ZNF804A: variants seen among roughly 807,000 people sequenced by gnomAD.
ZNF804A encodes zinc finger protein 804A.
Under a neutral mutation model 16.5 loss-of-function variants are expected in ZNF804A, and 2 were observed. The ratio of observed to expected loss-of-function variants is 0.12; its 90% CI spans 0.05 to 0.38. The LOEUF (loss-of-function observed/expected upper bound fraction) is 0.38. Ranked by LOEUF, ZNF804A falls within the 10% of genes least tolerant of loss-of-function variation. The pLI, the probability that ZNF804A is intolerant of heterozygous loss-of-function variation, is 0.99. For synonymous variants in ZNF804A, 534 were observed against 489.6 expected (o/e 1.09, Z -1.20); for missense variants, 1,473 against 1,390.7 (o/e 1.06, Z -0.94).
At chr2:184,884,120 ACT>A (rs1684852178) in intron 2 of ZNF804A, among the ~76,000 whole-genome samples, 2 of 152,124 alleles carry the variant, frequency 1.3e-5, no homozygotes, top group South Asian at 4.1e-4. Flanking sequence ...CAGGATAAAA[ACT>A]CAACATACAA....
At chr2:184,838,499 A>G (rs1052078162) in intron 1 of ZNF804A, among the ~76,000 whole-genome samples, 2 of 152,152 alleles carry the variant, frequency 1.3e-5, no homozygotes, top group Admixed American at 6.6e-5. Flanking sequence ...TATTCTATAG[A>G]GATTTCTAGG....
chr2:184,856,732 T>G (rs1695694024), intron 1 of ZNF804A, among the ~76,000 whole-genome samples: 1 of 152,106 alleles, frequency 6.6e-6, no homozygotes, highest in South Asian at 2.1e-4. Context: ...AAATATTATA[T>G]AAAATCACCT....
At position 184,625,587 on chromosome 2, in the gene ZNF804A, G is replaced by T. The variant is rs144706859; in HGVS notation, c.111+26517G>T. Among the ~76,000 whole-genome samples, 406 of 152,138 alleles carry T rather than the reference G, an allele frequency of 2.7e-3. 1 individual carries two copies. Among genetic ancestry groups the T allele is most frequent in the African/African-American group, 9.0e-3 (373 of 41,544 alleles). ...TGGAGAAATAAATAAGTAGATAAAA[G>T]GCACGATTTAAGATGAATATATTTT... On this transcript the variant is annotated intron_variant, in intron 1 of 3. Coordinates refer to ENST00000302277, the MANE Select transcript of ZNF804A (RefSeq NM_194250.2).
intron 1 of ZNF804A, among the ~76,000 whole-genome samples, chr2:184,712,682 G>A (rs1214298952): frequency 1.3e-5 from 2 of 151,548 alleles, no homozygotes; most frequent in African/African-American, 2.4e-5. Flanking sequence ...GATGGTGCCC[G>A]TAATTCTCTT....
At chr2:184,610,969 T>G (rs1047999729) in intron 1 of ZNF804A, among the ~76,000 whole-genome samples, 9 of 152,358 alleles carry the variant, frequency 5.9e-5, no homozygotes, top group Admixed American at 5.2e-4. Context: ...TCTCAGTGTC[T>G]TAGCCTGTTT....
At chr2:184,763,081 A>G (rs547525153) in intron 1 of ZNF804A, among the ~76,000 whole-genome samples, 5 of 152,268 alleles carry the variant, frequency 3.3e-5, no homozygotes, top group African/African-American at 4.8e-5. Context: ...TTCTACCTAA[A>G]TATTTCTCAA....
In ZNF804A at chr2:184,707,942, C is replaced by A. The variant is rs1693058751; in HGVS notation, c.111+108872C>A. On this transcript the variant is annotated intron_variant, in intron 1 of 3. Coordinates refer to ENST00000302277, the MANE Select transcript of ZNF804A (RefSeq NM_194250.2). Reference sequence around the variant, plus strand: ...CATTTCCTTTTCTCCATGGCCTCATCAGCATGTGTTATTTTTGACTTTTTA... The same window carrying A: ...CATTTCCTTTTCTCCATGGCCTCATAAGCATGTGTTATTTTTGACTTTTTA... 2.0e-5 allele frequency among the ~76,000 whole-genome samples: 3 copies of A among 152,172 alleles called. No homozygotes were observed. The South Asian group carries it at 6.2e-4, about 32-fold the overall frequency.
At chr2:184,822,753 ATACT>A (rs749583590) in intron 1 of ZNF804A, among the ~76,000 whole-genome samples, 5 of 152,178 alleles carry the variant, frequency 3.3e-5, no homozygotes, top group African/African-American at 4.8e-5. Flanking sequence ...ACAAGACTAA[ATACT>A]TAGTAAGTCA....
At chr2:184,634,881 C>T (rs1019612508) in intron 1 of ZNF804A, among the ~76,000 whole-genome samples, 4 of 151,994 alleles carry the variant, frequency 2.6e-5, no homozygotes, top group Non-Finnish European at 5.9e-5. Context: ...ATTTGTCAGG[C>T]TTAAATTATT....
chr2:184,719,150 G>C (rs539480841), intron 1 of ZNF804A, among the ~76,000 whole-genome samples: 1 of 152,306 alleles, frequency 6.6e-6, no homozygotes, highest in African/African-American at 2.4e-5. Context: ...GCCAAGGCTT[G>C]GGGATTACAC....
chr2:184,783,451 C>T (rs947309534), intron 1 of ZNF804A, among the ~76,000 whole-genome samples: 4 of 151,776 alleles, frequency 2.6e-5, no homozygotes, highest in African/African-American at 9.7e-5. Context: ...ACTGAATAAT[C>T]ATTACAAAAT....
At chr2:184,802,538 A>G (rs1186462221) in intron 1 of ZNF804A, among the ~76,000 whole-genome samples, 1 of 152,196 alleles carries the variant, frequency 6.6e-6, no homozygotes, top group African/African-American at 2.4e-5. Context: ...TTAACTGTTC[A>G]TAACAGTTTA....
intron 2 of ZNF804A, 72 bp from the exon 3 acceptor site, chr2:184,933,531 C>A: frequency 7.0e-7 from 1 of 1,434,114 alleles, no homozygotes. Flanking sequence ...AAAATTTCAA[C>A]AATAACAATG....
chr2:184,836,861 CT>C (rs755737307), intron 1 of ZNF804A, among the ~76,000 whole-genome samples: 8 of 151,696 alleles, frequency 5.3e-5, no homozygotes, highest in Non-Finnish European at 8.8e-5. Context: ...GCCTTTACCC[CT>C]CTCTCTATTC....
intron 1 of ZNF804A, among the ~76,000 whole-genome samples, chr2:184,731,565 T>C (rs1026456589): frequency 1.2e-5 from 1 of 80,690 alleles, no homozygotes; most frequent in African/African-American, 9.8e-5. Flanking sequence ...TCTTTAACGC[T>C]TTTTTTTTTT....
intron 2 of ZNF804A, among the ~76,000 whole-genome samples, chr2:184,906,128 A>G (rs886900704): frequency 3.9e-5 from 6 of 152,208 alleles, no homozygotes; most frequent in African/African-American, 1.4e-4. Flanking sequence ...ATGTTATCAG[A>G]CATTTTCAAG....
chr2:184,636,589 G>A (rs1691703629), intron 1 of ZNF804A, among the ~76,000 whole-genome samples: 1 of 137,922 alleles, frequency 7.3e-6, no homozygotes, highest in Non-Finnish European at 1.6e-5. Context: ...GTGTGTGTGT[G>A]TCTGTGTTAG....
At chr2:184,688,657 A>G (rs1245717230) in intron 1 of ZNF804A, among the ~76,000 whole-genome samples, 2 of 152,308 alleles carry the variant, frequency 1.3e-5, no homozygotes, top group South Asian at 4.1e-4. Flanking sequence ...GACAAGGGAT[A>G]TAAAACTATA....
intron 1 of ZNF804A, among the ~76,000 whole-genome samples, chr2:184,710,529 G>T (rs1693108539): frequency 4.0e-5 from 6 of 151,552 alleles, no homozygotes. Context: ...CACTTAACAT[G>T]ATATGTAGCC....
Sources: allele counts gnomAD v4.1 joint callset (sites outside exome capture counted in the v4.1 genomes callset), GRCh38; gene constraint gnomAD v4.1.1; transcripts MANE v1.5; gene names NCBI Gene and HGNC (gene_info 2026-07-23, HGNC 2026-07-21).